Variants in C2orf92 observed in about 807,000 individuals in gnomAD.
C2orf92 encodes the protein chromosome 2 open reading frame 92.
intron 5 of C2orf92, among the ~76,000 whole-genome samples, chr2:97,696,555 G>A (rs767615022): frequency 2.0e-5 from 3 of 152,168 alleles, no homozygotes; most frequent in Non-Finnish European, 4.4e-5. Context: ...GGCCAACATG[G>A]TGAAACCTCA....
chr2:97,677,830 GA>G (rs1675632825), intron 3 of C2orf92: 1 of 152,158 alleles, frequency 6.6e-6, no homozygotes, highest in East Asian at 1.9e-4. Context: ...AGGAAATCAG[GA>G]AAACAATGTA....
intron 3 of C2orf92, among the ~76,000 whole-genome samples, chr2:97,680,116 A>G (rs1675716651): frequency 6.6e-6 from 1 of 152,134 alleles, no homozygotes; most frequent in African/African-American, 2.4e-5. Context: ...CCTGGCCAAC[A>G]TGGTGAAACC....
intron 3 of C2orf92, among the ~76,000 whole-genome samples, chr2:97,683,487 C>T (rs1284479484): frequency 6.6e-6 from 1 of 151,222 alleles, no homozygotes; most frequent in Non-Finnish European, 1.5e-5. Flanking sequence ...ATCACTTGAG[C>T]CCAGGTGTTT....
chr2:97,669,605 GC>G, upstream of C2orf92: 1 of 389,308 alleles, frequency 2.6e-6, no homozygotes, highest in Non-Finnish European at 4.5e-6. Flanking sequence ...CACCAGCATA[GC>G]CCCCGTCACT....
intron 2 of C2orf92, among the ~76,000 whole-genome samples, 159 bp downstream of exon 2, chr2:97,674,716 C>T (rs993176179): frequency 6.6e-6 from 1 of 152,190 alleles, no homozygotes; most frequent in Non-Finnish European, 1.5e-5. Context: ...CTGAAATCCC[C>T]TCTACAGTCT....
At chr2:97,666,771 A>C (rs924955322), upstream of C2orf92, 2 of 144,726 alleles carry the variant, frequency 1.4e-5, no homozygotes, top group African/African-American at 5.1e-5. Flanking sequence ...TGAGCCCGGG[A>C]GATGGAGGTT....
chr2:97,687,952 C>T (rs1298868741), intron 3 of C2orf92, among the ~76,000 whole-genome samples: 2 of 151,040 alleles, frequency 1.3e-5, no homozygotes, highest in African/African-American at 4.9e-5. Flanking sequence ...CAGGTGACCC[C>T]AGTGTCTCTG....
At chr2:97,701,409 TG>T in intron 7 of C2orf92, 105 bp downstream of exon 7, 2 of 393,194 alleles carry the variant, frequency 5.1e-6, no homozygotes, top group African/African-American at 2.1e-5. Flanking sequence ...GGGCAGAAGC[TG>T]CAAGCCTGGT....
chr2:97,682,861 C>T (rs72815646), intron 3 of C2orf92, among the ~76,000 whole-genome samples: 2,938 of 152,046 alleles, frequency 0.019, 43 homozygotes, highest in Non-Finnish European at 0.03. Context: ...TGGATGATAT[C>T]GTGCTCAATG....
upstream of C2orf92, chr2:97,664,013 C>T (rs956181170): frequency 1.6e-5 from 8 of 487,394 alleles, no homozygotes; most frequent in Admixed American, 1.0e-4. Flanking sequence ...CTCCCCGAGC[C>T]TGCAGCCTAC....
At chr2:97,677,922 A>G (rs1675635400) in intron 3 of C2orf92, among the ~76,000 whole-genome samples, 1 of 152,190 alleles carries the variant, frequency 6.6e-6, no homozygotes, top group African/African-American at 2.4e-5. Context: ...AGTGTAATAA[A>G]TGAATACTTG....
At chr2:97,678,659 C>G (rs1298545702) in intron 3 of C2orf92, among the ~76,000 whole-genome samples, 2 of 151,888 alleles carry the variant, frequency 1.3e-5, no homozygotes, top group East Asian at 3.9e-4. Context: ...ATGGCACATT[C>G]AAAGTTCTGA....
intron 3 of C2orf92, among the ~76,000 whole-genome samples, chr2:97,684,956 G>A (rs1675903086): frequency 6.6e-6 from 1 of 150,692 alleles, no homozygotes; most frequent in Non-Finnish European, 1.5e-5. Flanking sequence ...TTGAGACAGA[G>A]TCTTGTTCTG....
intron 5 of C2orf92, among the ~76,000 whole-genome samples, chr2:97,693,815 T>C (rs1676217424): frequency 6.6e-6 from 1 of 152,200 alleles, no homozygotes; most frequent in Non-Finnish European, 1.5e-5. Context: ...ATATGTAGAC[T>C]GAGCCATGAT....
rs1456543359 is a variant in C2orf92 at position 97,701,134 on chromosome 2, C to A, written c.515-20C>A. 2 of 398,820 alleles carry A rather than the reference C, an allele frequency of 5.0e-6. No individual in the cohort carries two copies. Among genetic ancestry groups the A allele is most frequent in the Non-Finnish European group, 8.9e-6 (2 of 225,974 alleles). 24.7% of individuals were successfully genotyped at this position (398,820 alleles called of 1,614,324 possible). A position where few individuals can be genotyped will look rare whatever the true frequency, so the allele number is the denominator to read the frequency against. ...CCGGTGGGTATCTCTGTTCACTCTG[C>A]GCTGTGTCTTCTCATTTAGATGCTC... On this transcript the variant is annotated intron_variant, in intron 6 of 7. Coordinates refer to ENST00000627399, the MANE Select transcript of C2orf92 (RefSeq NM_001351368.2).
rs1409309445 is a variant in C2orf92 at position 97,701,194 on chromosome 2, C to T, written c.555C>T (p.His185=). The change falls in exon 7 of 8, where the codon CAC becomes CAT. Residue 185 remains histidine (H), a synonymous_variant. Coordinates refer to ENST00000627399, the MANE Select transcript of C2orf92 (RefSeq NM_001351368.2). ...CTATGCCCTGCGGGCAGCTTCTGCA[C>T]TTCCTGCAGAGGAACACCATCATCG... ...FRTMPCGQLL[H]FLQRNTIIAA... The T allele has an allele frequency of 2.5e-6, 1 of 399,118 alleles. No individual in the cohort carries two copies. Among genetic ancestry groups the T allele is most frequent in the Non-Finnish European group, 4.4e-6 (1 of 226,098 alleles). The allele number at this position is 399,118 out of a possible 1,614,324, so 24.7% of individuals were successfully genotyped here.
chr2:97,665,349 C>T (rs1172521747), upstream of C2orf92, among the ~76,000 whole-genome samples: 1 of 152,134 alleles, frequency 6.6e-6, no homozygotes, highest in Admixed American at 6.5e-5. Context: ...TGCATAACCA[C>T]CGAGTTCAAG....
At chr2:97,664,489 T>C (rs1184673627) in intron 1 of C2orf92, 1 of 152,252 alleles carries the variant, frequency 6.6e-6, no homozygotes, top group African/African-American at 2.4e-5. Flanking sequence ...TGTCTTGCTC[T>C]GTCGCTCAGG....
upstream of C2orf92, among the ~76,000 whole-genome samples, chr2:97,667,663 A>G (rs1675278987): frequency 5.9e-5 from 9 of 152,032 alleles, no homozygotes; most frequent in Admixed American, 4.6e-4. Context: ...CGATCTCCTG[A>G]CCTTGTGATC....
Sources: gnomAD v4.1 joint callset for allele counts (sites outside exome capture counted in the v4.1 genomes callset) on GRCh38, gnomAD v4.1.1 for gene constraint, MANE v1.5 for transcripts, NCBI Gene and HGNC (gene_info 2026-07-23, HGNC 2026-07-21) for gene names.